PDZK1: variants seen among roughly 807,000 people sequenced by gnomAD.
The protein encoded by PDZK1 is Na(+)/H(+) exchange regulatory cofactor NHE-RF3.
PDZK1 carries 23 observed loss-of-function variants against 38.1 expected under a neutral mutation model. The observed-to-expected ratio is 0.60, with a 90% CI of 0.43 to 0.85. The LOEUF (loss-of-function observed/expected upper bound fraction) is 0.85, where lower values mean the gene tolerates loss of function less well. PDZK1 is among the 40% of genes least tolerant of loss of function. PDZK1 has a pLI of 0.00. For missense variants in PDZK1, 297 were observed against 504.3 expected (o/e 0.59, Z 3.94); for synonymous variants, 98 against 186.2 (o/e 0.53, Z 3.86).
At chr1:145,683,345 T>C (rs1553700780) in intron 3 of PDZK1, among the ~76,000 whole-genome samples, 3 of 152,238 alleles carry the variant, frequency 2.0e-5, no homozygotes. Context: ...CAGAAAGCGC[T>C]AAAACATGCC....
chr1:145,685,643 C>G (rs1654686464), intron 3 of PDZK1, among the ~76,000 whole-genome samples: 1 of 152,090 alleles, frequency 6.6e-6, no homozygotes, highest in Non-Finnish European at 1.5e-5. Flanking sequence ...GCTGCTGTAT[C>G]ACTTGCCAAA....
chr1:145,702,579 T>C (rs1215641107), intron 1 of PDZK1, among the ~76,000 whole-genome samples: 1 of 151,900 alleles, frequency 6.6e-6, no homozygotes, highest in Non-Finnish European at 1.5e-5. Flanking sequence ...ATCTCAAAAA[T>C]AATAATAATA....
At chr1:145,672,154 TATATAGAGAATA>T (rs1237989710) in intron 8 of PDZK1, among the ~76,000 whole-genome samples, 2 of 152,228 alleles carry the variant, frequency 1.3e-5, no homozygotes, top group Non-Finnish European at 2.9e-5. Context: ...TTAATCCAAA[TATATAGAGAATA>T]ATATAGAGAA....
intron 1 of PDZK1, among the ~76,000 whole-genome samples, chr1:145,695,785 C>A (rs186387341): frequency 4.8e-4 from 73 of 152,250 alleles, no homozygotes; most frequent in Admixed American, 1.2e-3. Flanking sequence ...GCCTGCCTGA[C>A]CCACATAGCA....
At chr1:145,702,556 T>G (rs2101938318) in intron 1 of PDZK1, among the ~76,000 whole-genome samples, 1 of 152,192 alleles carries the variant, frequency 6.6e-6, no homozygotes, top group East Asian at 1.9e-4. Flanking sequence ...AACCCTGGTT[T>G]TATTATACTA....
intron 6 of PDZK1, chr1:145,674,138 C>T (rs1653392845): frequency 1.0e-6 from 1 of 980,716 alleles, no homozygotes; most frequent in African/African-American, 1.8e-5. Flanking sequence ...GGATGCGGTA[C>T]AAGGATCCCA....
At chr1:145,684,435 C>G (rs1254434165) in intron 3 of PDZK1, among the ~76,000 whole-genome samples, 1 of 151,930 alleles carries the variant, frequency 6.6e-6, no homozygotes, top group Non-Finnish European at 1.5e-5. Flanking sequence ...GTCTCGATCT[C>G]CTGACCTCAT....
At chr1:145,695,215 G>A (rs1042362721) in intron 1 of PDZK1, among the ~76,000 whole-genome samples, 10 of 151,978 alleles carry the variant, frequency 6.6e-5, no homozygotes, top group Non-Finnish European at 1.5e-4. Flanking sequence ...GAGGTCAGGA[G>A]CTCAAGACCA....
intron 8 of PDZK1, 152 bp downstream of exon 8, chr1:145,672,578 C>T (rs1253794047): frequency 2.2e-6 from 2 of 888,962 alleles, no homozygotes; most frequent in Non-Finnish European, 3.4e-6. Flanking sequence ...GCCTCCTGTC[C>T]TCTACAATAA....
chr1:145,689,780 G>T (rs11810518), intron 1 of PDZK1, among the ~76,000 whole-genome samples: 3,045 of 152,170 alleles, frequency 0.02, 103 homozygotes, highest in African/African-American at 0.07. Context: ...ATGGGGGAGG[G>T]TGAAGAATAG....
intron 1 of PDZK1, among the ~76,000 whole-genome samples, chr1:145,694,622 G>A (rs1044492679): frequency 3.3e-5 from 5 of 152,100 alleles, no homozygotes; most frequent in Admixed American, 3.3e-4. Context: ...TAACTTGCCG[G>A]GTGCAGTGGC....
intron 8 of PDZK1, among the ~76,000 whole-genome samples, chr1:145,672,170 T>C (rs1653133531): frequency 6.6e-6 from 1 of 152,200 alleles, no homozygotes; most frequent in Non-Finnish European, 1.5e-5. Context: ...GAGAATAATA[T>C]AGAGAATGCT....
chr1:145,690,683 A>T (rs1571621202), intron 1 of PDZK1, among the ~76,000 whole-genome samples: 1 of 152,164 alleles, frequency 6.6e-6, no homozygotes, highest in East Asian at 1.9e-4. Context: ...CACGCCCTGC[A>T]GTGTCAACCA....
chr1:145,675,808 G>C (rs1168678104), intron 6 of PDZK1, among the ~76,000 whole-genome samples: 4 of 151,484 alleles, frequency 2.6e-5, no homozygotes, highest in African/African-American at 9.7e-5. Flanking sequence ...CTTGAGGTCA[G>C]GAGTTCGAGA....
chr1:145,674,390 T>C (rs1653427343), intron 6 of PDZK1: 1 of 506,238 alleles, frequency 2.0e-6, no homozygotes, highest in Admixed American at 6.4e-5. Context: ...GATGCCAACT[T>C]GACTGGATTA....
chr1:145,677,785 T>A (rs1553699553), intron 6 of PDZK1, among the ~76,000 whole-genome samples: 1 of 148,592 alleles, frequency 6.7e-6, no homozygotes, highest in Non-Finnish European at 1.5e-5. Context: ...TCTACTATCA[T>A]TGTATATCAC....
At chr1:145,685,337 C>T (rs1553701415) in intron 3 of PDZK1, among the ~76,000 whole-genome samples, 1 of 152,202 alleles carries the variant, frequency 6.6e-6, no homozygotes, top group East Asian at 1.9e-4. Context: ...CAGCATTTCT[C>T]CTGCTACCTT....
intron 5 of PDZK1, among the ~76,000 whole-genome samples, chr1:145,680,177 T>C (rs1346566227): frequency 2.0e-5 from 3 of 152,146 alleles, no homozygotes; most frequent in African/African-American, 4.8e-5. Flanking sequence ...ATATCTCTTA[T>C]CTACTAAATG....
intron 2 of PDZK1, 28 bp downstream of exon 2, chr1:145,687,784 G>A (rs1553702164): frequency 1.9e-6 from 3 of 1,569,026 alleles, no homozygotes; most frequent in South Asian, 1.1e-5. Context: ...AGAGATCCTG[G>A]AAGAAAAGCC....
Sources: gnomAD v4.1 joint callset for allele counts (sites outside exome capture counted in the v4.1 genomes callset) on GRCh38, gnomAD v4.1.1 for gene constraint, MANE v1.5 for transcripts, NCBI Gene and HGNC (gene_info 2026-07-23, HGNC 2026-07-21) for gene names.